Variants in INSR observed in about 807,000 individuals in gnomAD.
INSR encodes IR.
A neutral mutation model predicts 142.6 loss-of-function variants in INSR; 67 were observed. The ratio of observed to expected loss-of-function variants is 0.47; its 90% confidence interval spans 0.39 to 0.58. The LOEUF (loss-of-function observed/expected upper bound fraction) is 0.58, where lower values mean the gene tolerates loss of function less well. Among genes scored for constraint, INSR ranks in the 20% least tolerant of loss-of-function variants. INSR has a pLI of 0.00. For synonymous variants in INSR, 756 were observed against 743.1 expected, an observed-to-expected ratio of 1.02 and a Z score of -0.28; for missense variants, 1,248 against 1,833.2, an observed-to-expected ratio of 0.68 and a Z score of 5.83.
chr19:7,122,750 AG>A lies in INSR; in HGVS notation c.3392del (p.Pro1131LeufsTer6). On this transcript the variant is annotated frameshift_variant, in exon 19 of 22. Coordinates refer to ENST00000302850, the MANE Select transcript of INSR (RefSeq NM_000208.4). LOFTEE classifies it high-confidence loss of function. ...CCATCTGAATCATCTCTTGAAGGGT[AG>A]GGGGAGGGCGGCCAGGATTATTCTA... Reference protein sequence around the residue: ...EAENNPGRPPPTLQEMIQMAA... With the variant: ...EAENNPGRPPXTLQEMIQMAA... 2 of 1,614,088 alleles carry A rather than the reference AG, an allele frequency of 1.2e-6. No individual in the cohort carries two copies. The highest frequency in any genetic ancestry group is 8.5e-7 in the Non-Finnish European group (1 of 1,179,962).
Position 7,116,987 on chromosome 19 carries a change from C to T in INSR, c.*69G>A, listed in dbSNP as rs1972344547. 1.8e-6 allele frequency: 2 copies of T among 1,086,316 alleles called. No homozygotes were observed. Among genetic ancestry groups the T allele is most frequent in the Admixed American group, 1.7e-5 (1 of 58,002 alleles). The allele number at this position is 1,086,316 out of a possible 1,614,324, so 67.3% of individuals were successfully genotyped here. ...TAGAGTCGTGAGAATCCTGAGTTTT[C>T]CAGAGGCTTTCAAACCAGAGGAAAG... On this transcript the variant is annotated 3_prime_UTR_variant, in exon 22 of 22. Transcript: ENST00000302850.
rs565485698 is a variant in INSR at position 7,176,002 on chromosome 19, A to G, written c.975-1271T>C. The stretch of plus-strand genomic sequence containing the variant: ...AGTGACAAGACTCATATTTTACCCC[A>G]AAGTGATGGGACAGGACTCCTGCTG... On this transcript the variant is annotated intron_variant, in intron 3 of 21. Coordinates refer to ENST00000302850, the MANE Select transcript of INSR (RefSeq NM_000208.4). 7.2e-5 allele frequency among the ~76,000 whole-genome samples: 11 copies of G among 152,272 alleles called. No individual in the cohort carries two copies. In the South Asian group the frequency reaches 1.7e-3, roughly 23 times the overall value.
intron 2 of INSR, among the ~76,000 whole-genome samples, chr19:7,262,396 C>T (rs558916387): frequency 3.9e-5 from 6 of 152,096 alleles, no homozygotes; most frequent in South Asian, 2.1e-4. Context: ...CGCTTGAACC[C>T]GGGAGGCAGA....
rs1220465451 is a variant in INSR at position 7,294,396 on chromosome 19, G to T, written c.-505C>A. 6.6e-6 allele frequency among the ~76,000 whole-genome samples: 1 copy of T among 151,578 alleles called. No individual in the cohort carries two copies. The highest frequency in any genetic ancestry group is 1.5e-5 in the Non-Finnish European group (1 of 67,802). ...CAGCTGGGCCCCGTGCGGGCCGCGGGAAAAGGCGGCGCGGATCTGGCCTAG... is the reference window on the plus strand; with the variant it reads ...CAGCTGGGCCCCGTGCGGGCCGCGGTAAAAGGCGGCGCGGATCTGGCCTAG... On this transcript the variant is annotated 5_prime_UTR_variant, in exon 1 of 22. Coordinates refer to ENST00000302850, the MANE Select transcript of INSR (RefSeq NM_000208.4).
intron 2 of INSR, among the ~76,000 whole-genome samples, chr19:7,185,170 T>C (rs58400572): frequency 0.14 from 20,850 of 152,210 alleles, 1,897 homozygotes; most frequent in African/African-American, 0.26. Flanking sequence ...TTAAAAAGCT[T>C]TGTTAATTTA....
chr19:7,176,084 C>T (rs1480119411), intron 3 of INSR, among the ~76,000 whole-genome samples: 1 of 152,068 alleles, frequency 6.6e-6, no homozygotes, highest in Non-Finnish European at 1.5e-5. Context: ...CATGATCTAC[C>T]CTGTGCGTGA....
chr19:7,231,777 T>C (rs576094314), intron 2 of INSR, among the ~76,000 whole-genome samples: 58 of 147,524 alleles, frequency 3.9e-4, no homozygotes, highest in South Asian at 1.9e-3. Flanking sequence ...TTCTGTCTCT[T>C]TTTTTTTTTT....
chr19:7,293,684 G>T, intron 1 of INSR, 108 bp downstream of exon 1: 1 of 939,346 alleles, frequency 1.1e-6, no homozygotes, highest in Non-Finnish European at 1.4e-6. Context: ...ACCGCCCCCC[G>T]CCCCTGGGGA....
intron 3 of INSR, among the ~76,000 whole-genome samples, chr19:7,181,660 C>A (rs1460966584): frequency 6.6e-6 from 1 of 151,690 alleles, no homozygotes; most frequent in Non-Finnish European, 1.5e-5. Context: ...ACCTCTGCCT[C>A]CTGGGTTCAA....
At chr19:7,270,905 C>CA (rs746661959) in intron 1 of INSR, among the ~76,000 whole-genome samples, 59 of 151,384 alleles carry the variant, frequency 3.9e-4, no homozygotes, top group Non-Finnish European at 6.6e-4. Flanking sequence ...CTAAAAAATA[C>CA]AAAAAAATTA....
At position 7,119,971 on chromosome 19, in the gene INSR, T is replaced by C. The variant is rs912194410; in HGVS notation, c.3660-388A>G. 2.6e-5 allele frequency among the ~76,000 whole-genome samples: 4 copies of C among 152,130 alleles called. No homozygotes were observed. The highest frequency in any genetic ancestry group is 9.7e-5 in the African/African-American group (4 of 41,430). On this transcript the variant is annotated intron_variant, in intron 20 of 21. Transcript: ENST00000302850. This position sits in a 1 kb window ranked among gnomAD's most constrained non-coding sequence, Gnocchi z 5.2. ...GTTAGCCACTTAATAAAACAATTCA[T>C]GCTGCAGTTCATAAATGCTGTGAAA...
chr19:7,139,373 A>T (rs969924195), intron 13 of INSR, among the ~76,000 whole-genome samples: 15 of 152,246 alleles, frequency 9.9e-5, no homozygotes, highest in Admixed American at 2.0e-4. Flanking sequence ...AGATAAAATT[A>T]GTATTACCTA....
chr19:7,192,937 C>T lies in INSR; in HGVS notation c.653-8300G>A, dbSNP rs74201070. Among the ~76,000 whole-genome samples the T allele has an allele frequency of 0.016, 2,454 of 152,122 alleles. 65 individuals are homozygous for T. Among genetic ancestry groups the T allele is most frequent in the African/African-American group, 0.05 (2,084 of 41,486 alleles). ...TAAGTTGACGGAGGAGAAAGGAGACCGCTGTGTCAGAGTCCTCTGGTGGAC... is the reference window on the plus strand; with the variant it reads ...TAAGTTGACGGAGGAGAAAGGAGACTGCTGTGTCAGAGTCCTCTGGTGGAC... On this transcript the variant is annotated intron_variant, in intron 2 of 21. Transcript: ENST00000302850. The surrounding 1 kb of genome is among the most constrained non-coding windows in gnomAD (Gnocchi z 4.2).
chr19:7,197,865 T>G (rs1315265046), intron 2 of INSR, among the ~76,000 whole-genome samples: 1 of 120,256 alleles, frequency 8.3e-6, no homozygotes, highest in Non-Finnish European at 1.7e-5. Flanking sequence ...CGAGAGAGAG[T>G]GTGTGCGCGT....
chr19:7,195,427 G>A (rs1974717502), intron 2 of INSR, among the ~76,000 whole-genome samples: 1 of 152,084 alleles, frequency 6.6e-6, no homozygotes, highest in African/African-American at 2.4e-5. Context: ...AAGATCACTG[G>A]AGATCAGGAG....
intron 2 of INSR, among the ~76,000 whole-genome samples, chr19:7,212,807 G>A (rs1474021121): frequency 1.3e-5 from 2 of 151,780 alleles, no homozygotes; most frequent in African/African-American, 2.4e-5. Flanking sequence ...GGCTGGTCTC[G>A]AACTCCTGAC....
chr19:7,137,548 G>A (rs2144848063), intron 13 of INSR, among the ~76,000 whole-genome samples: 1 of 152,226 alleles, frequency 6.6e-6, no homozygotes, highest in Admixed American at 6.5e-5. Flanking sequence ...AGCACTTTGG[G>A]ATGCCAAGGT....
chr19:7,190,573 C>T (rs551939813), intron 2 of INSR, among the ~76,000 whole-genome samples: 6 of 151,896 alleles, frequency 4.0e-5, no homozygotes, highest in African/African-American at 1.4e-4. Flanking sequence ...GGTTTCACCA[C>T]GTTGGCCAGG....
chr19:7,278,790 T>G (rs1171441863), intron 1 of INSR, among the ~76,000 whole-genome samples: 3 of 152,020 alleles, frequency 2.0e-5, no homozygotes, highest in African/African-American at 4.8e-5. Flanking sequence ...GGTCAGGAGT[T>G]TGAGACCAGC....
Sources: gnomAD v4.1 joint callset for allele counts (sites outside exome capture counted in the v4.1 genomes callset) on GRCh38, gnomAD v4.1.1 for gene constraint, Gnocchi (gnomAD v3.1) non-coding constraint, MANE v1.5 for transcripts, NCBI Gene and HGNC (gene_info 2026-07-23, HGNC 2026-07-21) for gene names.